SAMMSON: variants seen among roughly 807,000 people sequenced by gnomAD.
The protein encoded by SAMMSON is survival associated mitochondrial melanoma specific oncogenic non-coding RNA.
intron 3 of SAMMSON, among the ~76,000 whole-genome samples, chr3:70,031,930 G>C (rs1309615017): frequency 2.0e-5 from 3 of 152,094 alleles, no homozygotes; most frequent in Admixed American, 6.6e-5. Flanking sequence ...TTATCAAAAA[G>C]CAACAGCTAT....
At chr3:70,037,131 A>G (rs1054317963) in intron 3 of SAMMSON, among the ~76,000 whole-genome samples, 1 of 151,636 alleles carries the variant, frequency 6.6e-6, no homozygotes, top group Non-Finnish European at 1.5e-5. Context: ...TATGATATTC[A>G]TGCTACCTGT....
chr3:70,219,691 A>C (rs1363884122), intron 4 of SAMMSON, among the ~76,000 whole-genome samples: 1 of 152,338 alleles, frequency 6.6e-6, no homozygotes, highest in East Asian at 1.9e-4. Context: ...AATCTGCATC[A>C]GAAGCAGTAA....
At chr3:70,324,137 A>C (rs1371916447) in intron 7 of SAMMSON, among the ~76,000 whole-genome samples, 1 of 151,730 alleles carries the variant, frequency 6.6e-6, no homozygotes, top group African/African-American at 2.4e-5. Flanking sequence ...TCCCTGTAAC[A>C]GACCCCTTTA....
intron 6 of SAMMSON, among the ~76,000 whole-genome samples, chr3:70,257,850 A>G (rs995643053): frequency 6.6e-6 from 1 of 152,164 alleles, no homozygotes; most frequent in African/African-American, 2.4e-5. Flanking sequence ...ACACAACAGA[A>G]AGGCTTTTAC....
intron 4 of SAMMSON, among the ~76,000 whole-genome samples, chr3:70,073,241 TA>T (rs1469421434): frequency 3.3e-5 from 5 of 152,042 alleles, no homozygotes; most frequent in African/African-American, 9.7e-5. Flanking sequence ...AGGTACAGTA[TA>T]AAAAAATTAT....
intron 6 of SAMMSON, among the ~76,000 whole-genome samples, chr3:70,275,884 A>G (rs1479077314): frequency 1.3e-5 from 2 of 152,198 alleles, no homozygotes; most frequent in Admixed American, 6.6e-5. Flanking sequence ...TAATTAGGCA[A>G]TAATTACTTA....
At position 70,041,163 on chromosome 3, in the gene SAMMSON, G is replaced by A. The variant is rs533254791; in HGVS notation, n.417+27491G>A. ...CTGGCTAGTAAAGTTTAGATTTAAA[G>A]ACCTTTGCCAAAGTGTCCAGTGTAA... On this transcript the variant is annotated intron_variant and non_coding_transcript_variant, in intron 3 of 9. Coordinates refer to ENST00000642114, the Ensembl canonical transcript of SAMMSON. Among the ~76,000 whole-genome samples, 3 of 152,212 alleles carry A rather than the reference G, an allele frequency of 2.0e-5. No individual in the cohort carries two copies. In the South Asian group the frequency reaches 6.2e-4, roughly 32 times the overall value.
chr3:70,131,894 G>A (rs78461561), intron 4 of SAMMSON, among the ~76,000 whole-genome samples: 1,914 of 152,118 alleles, frequency 0.013, 43 homozygotes, highest in African/African-American at 0.043. Context: ...TGCAATTCTC[G>A]ATCATGCTTA....
intron 4 of SAMMSON, among the ~76,000 whole-genome samples, chr3:70,170,655 A>T (rs1700936858): frequency 6.9e-6 from 1 of 144,332 alleles, no homozygotes. Flanking sequence ...GGCTAAACAG[A>T]GGTGAAAAAT....
chr3:70,194,347 A>C (rs1192389614), intron 4 of SAMMSON, among the ~76,000 whole-genome samples: 11 of 152,210 alleles, frequency 7.2e-5, no homozygotes, highest in Admixed American at 7.2e-4. Context: ...AAAATATCTG[A>C]GCCTTCTCAG....
downstream of SAMMSON, among the ~76,000 whole-genome samples, chr3:70,391,465 GC>G (rs11348568): frequency 0.09 from 13,664 of 151,820 alleles, 758 homozygotes; most frequent in East Asian, 0.27. Flanking sequence ...TTAGCCAGGT[GC>G]CAGTAATATT....
At chr3:70,260,104 G>A (rs1701851673) in intron 6 of SAMMSON, among the ~76,000 whole-genome samples, 1 of 152,106 alleles carries the variant, frequency 6.6e-6, no homozygotes, top group South Asian at 2.1e-4. Context: ...CATATCAATT[G>A]GCTTACAGTT....
intron 7 of SAMMSON, among the ~76,000 whole-genome samples, chr3:70,350,522 T>G (rs1462382923): frequency 6.6e-6 from 1 of 152,100 alleles, no homozygotes; most frequent in African/African-American, 2.4e-5. Context: ...GATAAGATTT[T>G]CAATGAAAGA....
At chr3:70,228,859 C>T (rs1276438847) in intron 4 of SAMMSON, among the ~76,000 whole-genome samples, 1 of 151,778 alleles carries the variant, frequency 6.6e-6, no homozygotes, top group Non-Finnish European at 1.5e-5. Flanking sequence ...CTAATGCTAC[C>T]AAGTGTCTAT....
chr3:70,028,907 T>G (rs1305586885), intron 3 of SAMMSON, among the ~76,000 whole-genome samples: 1 of 152,180 alleles, frequency 6.6e-6, no homozygotes, highest in East Asian at 1.9e-4. Flanking sequence ...TTTCATACAT[T>G]GCCCACTGAA....
chr3:70,061,680 G>A (rs1026667022), intron 3 of SAMMSON, among the ~76,000 whole-genome samples: 29 of 151,994 alleles, frequency 1.9e-4, no homozygotes, highest in African/African-American at 7.0e-4. Context: ...CGTTTGCAAC[G>A]CCTGGGTTAG....
At chr3:70,390,872 TG>T (rs1426964580), downstream of SAMMSON, among the ~76,000 whole-genome samples, 3 of 152,146 alleles carry the variant, frequency 2.0e-5, no homozygotes, top group Non-Finnish European at 2.9e-5. Context: ...AGTTAAAAAG[TG>T]AAAGAGGGTG....
intron 7 of SAMMSON, among the ~76,000 whole-genome samples, chr3:70,333,883 T>G (rs1202355995): frequency 6.6e-6 from 1 of 152,164 alleles, no homozygotes; most frequent in East Asian, 1.9e-4. Context: ...GTGAGAGAAA[T>G]TAAACTTGCC....
intron 3 of SAMMSON, among the ~76,000 whole-genome samples, chr3:70,039,970 T>C (rs2067100424): frequency 6.6e-6 from 1 of 152,138 alleles, no homozygotes; most frequent in Admixed American, 6.6e-5. Context: ...CTCAGTATAT[T>C]GTCAGTTCTT....
Sources: gnomAD v4.1 joint callset for allele counts (sites outside exome capture counted in the v4.1 genomes callset) on GRCh38, gnomAD v4.1.1 for gene constraint, MANE v1.5 for transcripts, NCBI Gene and HGNC (gene_info 2026-07-23, HGNC 2026-07-21) for gene names.